PPFIBP1: variants seen among roughly 807,000 people sequenced by gnomAD.
PPFIBP1 encodes liprin-beta-1.
In PPFIBP1, 112 loss-of-function variants were observed where a neutral mutation model predicts 137.8. The ratio of observed to expected loss-of-function variants is 0.81; its 90% CI spans 0.70 to 0.95. PPFIBP1 has a LOEUF of 0.95. PPFIBP1 is among the 40% of genes least tolerant of loss of function. PPFIBP1 has a pLI of 0.00. For missense variants in PPFIBP1, 1,083 were observed against 1,196.6 expected, an observed-to-expected ratio of 0.91 and a Z score of 1.40; for synonymous variants, 378 against 417.3, an observed-to-expected ratio of 0.91 and a Z score of 1.15.
In PPFIBP1 at chr12:27,595,242, G is replaced by A. The variant is rs143184686; in HGVS notation, c.-36+17003G>A. Among the ~76,000 whole-genome samples, 18 of 152,344 alleles carry A rather than the reference G, an allele frequency of 1.2e-4. No individual in the cohort carries two copies. In the South Asian group the frequency reaches 2.1e-3, roughly 18 times the overall value. On this transcript the variant is annotated intron_variant, in intron 2 of 29. Transcript: ENST00000228425. ...GCTGGAAGAATGCGTGCACACGCGCGCGCGCACAAACACACACACGCGCAT... is the reference window on the plus strand; with the variant it reads ...GCTGGAAGAATGCGTGCACACGCGCACGCGCACAAACACACACACGCGCAT...
chr12:27,687,325 A>G, intron 24 of PPFIBP1, 60 bp from the exon 25 acceptor site: 2 of 1,561,174 alleles, frequency 1.3e-6, no homozygotes, highest in Non-Finnish European at 1.7e-6. Context: ...GAGATTCCCT[A>G]AGAAAGTCCT....
intron 4 of PPFIBP1, among the ~76,000 whole-genome samples, chr12:27,642,719 G>C (rs2058200603): frequency 6.6e-6 from 1 of 152,120 alleles, no homozygotes; most frequent in Non-Finnish European, 1.5e-5. Flanking sequence ...GGTGAGTGGA[G>C]TGTTGGGTAC....
intron 1 of PPFIBP1, among the ~76,000 whole-genome samples, chr12:27,568,328 T>C (rs914867295): frequency 2.0e-5 from 3 of 152,244 alleles, no homozygotes; most frequent in Admixed American, 6.5e-5. Context: ...TACTGCTGTA[T>C]TCTTTTTTGT....
At chr12:27,588,515 A>G (rs2052066744) in intron 2 of PPFIBP1, among the ~76,000 whole-genome samples, 1 of 152,210 alleles carries the variant, frequency 6.6e-6, no homozygotes, top group Non-Finnish European at 1.5e-5. Context: ...ACTTGAAAAC[A>G]ACTATCCAAA....
At chr12:27,577,097 G>A (rs1394943032) in intron 1 of PPFIBP1, among the ~76,000 whole-genome samples, 1 of 152,122 alleles carries the variant, frequency 6.6e-6, no homozygotes, top group Non-Finnish European at 1.5e-5. Flanking sequence ...TACCTGATGT[G>A]ATTTGATGGG....
At chr12:27,553,060 A>G (rs969028581) in intron 1 of PPFIBP1, among the ~76,000 whole-genome samples, 1 of 152,176 alleles carries the variant, frequency 6.6e-6, no homozygotes, top group Non-Finnish European at 1.5e-5. Context: ...GCAGAGGCCT[A>G]GGAGAAGATT....
intron 19 of PPFIBP1, chr12:27,677,425 T>C (rs2060590671): frequency 2.8e-6 from 1 of 354,194 alleles, no homozygotes; most frequent in East Asian, 4.4e-5. Context: ...AAGTGCATAT[T>C]ACCACACACT....
intron 2 of PPFIBP1, among the ~76,000 whole-genome samples, chr12:27,622,426 G>A (rs2056424953): frequency 6.6e-6 from 1 of 152,216 alleles, no homozygotes; most frequent in African/African-American, 2.4e-5. Flanking sequence ...AAGTTGCGAT[G>A]TAATTTTTAA....
intron 1 of PPFIBP1, among the ~76,000 whole-genome samples, chr12:27,536,708 T>C (rs992629504): frequency 3.3e-5 from 5 of 152,184 alleles, no homozygotes; most frequent in Non-Finnish European, 5.9e-5. Context: ...TCTGCTCACT[T>C]GTGGGCTCCA....
At chr12:27,533,786 C>T (rs776901198) in intron 1 of PPFIBP1, among the ~76,000 whole-genome samples, 22 of 152,138 alleles carry the variant, frequency 1.4e-4, no homozygotes, top group Non-Finnish European at 2.8e-4. Context: ...CTTCAGGGGA[C>T]TCCTGATATT....
rs528590178 is a variant in PPFIBP1, at chr12:27,544,875, C to T, written c.-124+20510C>T. Among the ~76,000 whole-genome samples the T allele has an allele frequency of 1.2e-4, 18 of 152,268 alleles. No homozygotes were observed. The East Asian group carries it at 1.9e-3, about 16-fold the overall frequency. On this transcript the variant is annotated intron_variant, in intron 1 of 29. Transcript: ENST00000228425. ...GAAATACCATTTGACCCAGCAATCCCATTACTGGGTATATACCCAAAGGAT... is the reference window on the plus strand; with the variant it reads ...GAAATACCATTTGACCCAGCAATCCTATTACTGGGTATATACCCAAAGGAT...
intron 13 of PPFIBP1, among the ~76,000 whole-genome samples, chr12:27,668,159 G>A (rs943032332): frequency 2.6e-5 from 4 of 152,140 alleles, no homozygotes; most frequent in African/African-American, 7.2e-5. Context: ...CCCCCTTTCC[G>A]AAGACCCCTA....
intron 2 of PPFIBP1, among the ~76,000 whole-genome samples, chr12:27,590,740 A>G (rs1177246579): frequency 1.3e-5 from 2 of 152,150 alleles, no homozygotes; most frequent in African/African-American, 2.4e-5. Context: ...GGAAATCCCT[A>G]TGGTTTTGTG....
intron 2 of PPFIBP1, among the ~76,000 whole-genome samples, chr12:27,595,269 C>T (rs1423037195): frequency 3.3e-5 from 5 of 152,262 alleles, no homozygotes; most frequent in African/African-American, 9.6e-5. Context: ...CACGCGCATA[C>T]ACACATGCGT....
At chr12:27,595,198 GC>G (rs2053048051) in intron 2 of PPFIBP1, among the ~76,000 whole-genome samples, 2 of 152,236 alleles carry the variant, frequency 1.3e-5, no homozygotes, top group African/African-American at 4.8e-5. Context: ...TTTCTGTGAA[GC>G]CCCGGAAAGC....
chr12:27,588,451 T>C (rs57968171), intron 2 of PPFIBP1, among the ~76,000 whole-genome samples: 39,420 of 152,096 alleles, frequency 0.26, 5,291 homozygotes, highest in Middle Eastern at 0.32. Flanking sequence ...CATGTCCTGC[T>C]TGGGGAAAAT....
intron 4 of PPFIBP1, among the ~76,000 whole-genome samples, chr12:27,637,534 T>C (rs1258563569): frequency 6.6e-6 from 1 of 152,148 alleles, no homozygotes; most frequent in Non-Finnish European, 1.5e-5. Context: ...GAATTTTTGT[T>C]GTTGTTGCTA....
intron 1 of PPFIBP1, among the ~76,000 whole-genome samples, chr12:27,545,152 A>G (rs1308950837): frequency 6.7e-6 from 1 of 150,216 alleles, no homozygotes; most frequent in East Asian, 2.0e-4. Context: ...CAAACACCAC[A>G]TGTTCTCACT....
intron 4 of PPFIBP1, among the ~76,000 whole-genome samples, chr12:27,638,123 A>T (rs12306945): frequency 0.59 from 89,287 of 151,908 alleles, 26,779 homozygotes; most frequent in Admixed American, 0.65. Context: ...AAAAGAGTTA[A>T]TTAGATGGAT....
Sources: allele counts gnomAD v4.1 joint callset (sites outside exome capture counted in the v4.1 genomes callset), GRCh38; gene constraint gnomAD v4.1.1; transcripts MANE v1.5; gene names NCBI Gene and HGNC (gene_info 2026-07-23, HGNC 2026-07-21).